CCDC30: variants seen among roughly 807,000 people sequenced by gnomAD.
CCDC30 encodes coiled-coil domain containing 30, also known as coiled-coil domain-containing protein 30.
In CCDC30, 70 loss-of-function variants were observed where a neutral mutation model predicts 100.2. The ratio of observed to expected loss-of-function variants is 0.70; its 90% CI spans 0.58 to 0.85. The LOEUF (loss-of-function observed/expected upper bound fraction) is 0.85. CCDC30 is among the 40% of genes least tolerant of loss of function. The probability of loss-of-function intolerance (pLI) is 0.00; values close to 1 mark genes in which losing one functional copy is unlikely to be tolerated. For synonymous variants in CCDC30, 233 were observed against 269.5 expected (o/e 0.86, Z 1.33); for missense variants, 652 against 771.2 (o/e 0.85, Z 1.83).
chr1:42,597,378 T>A (rs550671347), intron 10 of CCDC30, among the ~76,000 whole-genome samples: 1 of 152,066 alleles, frequency 6.6e-6, no homozygotes, highest in South Asian at 2.1e-4. Context: ...AATTTTCAAA[T>A]GACAGAAAAT....
At chr1:42,578,360 A>G (rs1645887125) in intron 8 of CCDC30, among the ~76,000 whole-genome samples, 1 of 152,206 alleles carries the variant, frequency 6.6e-6, no homozygotes, top group Non-Finnish European at 1.5e-5. Context: ...TATTCTTGTG[A>G]CAGGTATTAA....
chr1:42,473,257 C>T, intron 1 of CCDC30: 1 of 1,231,572 alleles, frequency 8.1e-7, no homozygotes, highest in Non-Finnish European at 1.0e-6. Flanking sequence ...ACTGCTACCA[C>T]AGATGTAGAA....
chr1:42,505,477 G>A (rs1437489461), intron 6 of CCDC30, among the ~76,000 whole-genome samples: 2 of 152,172 alleles, frequency 1.3e-5, no homozygotes, highest in Non-Finnish European at 2.9e-5. Context: ...AAGTTTTGGA[G>A]CATAATTTTT....
chr1:42,497,368 G>C (rs1299475764), intron 5 of CCDC30, among the ~76,000 whole-genome samples, 155 bp downstream of exon 5: 2 of 152,124 alleles, frequency 1.3e-5, no homozygotes, highest in Non-Finnish European at 2.9e-5. Flanking sequence ...CTTTGACCTA[G>C]ATGCATTCTA....
At chr1:42,643,464 G>A (rs955115790) in intron 13 of CCDC30, among the ~76,000 whole-genome samples, 1 of 152,192 alleles carries the variant, frequency 6.6e-6, no homozygotes, top group African/African-American at 2.4e-5. Context: ...TTTACTGTCT[G>A]TGTCTCCCCT....
chr1:42,525,486 G>T (rs1644710000), intron 6 of CCDC30, among the ~76,000 whole-genome samples: 1 of 151,564 alleles, frequency 6.6e-6, no homozygotes, highest in Admixed American at 6.6e-5. Flanking sequence ...GTTCTTTTTT[G>T]AATATCTTTT....
At chr1:42,550,509 C>T (rs1277746026) in intron 6 of CCDC30, among the ~76,000 whole-genome samples, 2 of 152,174 alleles carry the variant, frequency 1.3e-5, no homozygotes, top group Admixed American at 6.5e-5. Flanking sequence ...CTTTTAGATC[C>T]TCCAACTTTT....
chr1:42,536,434 G>A, intron 6 of CCDC30, 42 bp from the exon 7 acceptor site: 1 of 1,236,622 alleles, frequency 8.1e-7, no homozygotes, highest in Non-Finnish European at 1.1e-6. Context: ...AGGAAACACT[G>A]CTATTATATA....
chr1:42,625,844 T>A (rs1646923198), intron 11 of CCDC30, among the ~76,000 whole-genome samples: 3 of 152,142 alleles, frequency 2.0e-5, no homozygotes, highest in African/African-American at 7.2e-5. Flanking sequence ...GGATGAAATG[T>A]TCTGTAAATA....
intron 10 of CCDC30, among the ~76,000 whole-genome samples, chr1:42,597,082 G>C (rs1169217937): frequency 1.3e-5 from 2 of 152,016 alleles, no homozygotes; most frequent in African/African-American, 4.8e-5. Context: ...GAGGACATCT[G>C]AATAGAAATC....
At chr1:42,627,616 G>A (rs1646957750) in intron 11 of CCDC30, among the ~76,000 whole-genome samples, 1 of 152,162 alleles carries the variant, frequency 6.6e-6, no homozygotes, top group African/African-American at 2.4e-5. Context: ...TCCCCATACT[G>A]TGTTCAGCCT....
intron 6 of CCDC30, among the ~76,000 whole-genome samples, chr1:42,562,908 C>T (rs1645523451): frequency 6.6e-6 from 1 of 152,118 alleles, no homozygotes; most frequent in African/African-American, 2.4e-5. Context: ...AATGAGATAC[C>T]ATCTCATGCC....
At chr1:42,571,069 A>C (rs1645723657) in intron 7 of CCDC30, 1 of 152,250 alleles carries the variant, frequency 6.6e-6, no homozygotes, top group African/African-American at 2.4e-5. Flanking sequence ...TGTTTGCCCC[A>C]GTGTTGTCTT....
chr1:42,644,598 A>G (rs1647722801), intron 13 of CCDC30, 95 bp from the exon 18 acceptor site: 1 of 714,476 alleles, frequency 1.4e-6, no homozygotes, highest in Non-Finnish European at 2.5e-6. Flanking sequence ...ACAGTAGTCT[A>G]AGATCCGGGG....
chr1:42,483,459 A>C (rs1643998670), intron 3 of CCDC30, among the ~76,000 whole-genome samples: 2 of 152,184 alleles, frequency 1.3e-5, no homozygotes, highest in African/African-American at 4.8e-5. Context: ...TAATTATACT[A>C]ATTTAAGCTT....
intron 1 of CCDC30, among the ~76,000 whole-genome samples, chr1:42,469,027 A>C (rs1322315780): frequency 6.6e-6 from 1 of 152,124 alleles, no homozygotes; most frequent in Admixed American, 6.6e-5. Context: ...GAATTAAAAA[A>C]AAAAAAACTT....
At chr1:42,625,867 A>G (rs1646923703) in intron 11 of CCDC30, among the ~76,000 whole-genome samples, 1 of 152,148 alleles carries the variant, frequency 6.6e-6, no homozygotes, top group African/African-American at 2.4e-5. Context: ...TATTAGGTCC[A>G]TTTGGTCTAT....
At chr1:42,645,241 A>T (rs1332787684) in intron 14 of CCDC30, among the ~76,000 whole-genome samples, 1 of 152,086 alleles carries the variant, frequency 6.6e-6, no homozygotes, top group Non-Finnish European at 1.5e-5. Context: ...TCTCAACAGC[A>T]CTGTTTGCCA....
intron 6 of CCDC30, among the ~76,000 whole-genome samples, chr1:42,526,275 A>AT (rs1644723074): frequency 6.6e-6 from 1 of 151,828 alleles, no homozygotes; most frequent in African/African-American, 2.4e-5. Context: ...TTTTATAAGT[A>AT]TTTTTCCACT....
Sources: gnomAD v4.1 joint callset for allele counts (sites outside exome capture counted in the v4.1 genomes callset) on GRCh38, gnomAD v4.1.1 for gene constraint, MANE v1.5 for transcripts, NCBI Gene and HGNC (gene_info 2026-07-23, HGNC 2026-07-21) for gene names.